Variants in ROBO3 observed in about 807,000 individuals in gnomAD.
ROBO3 encodes the protein roundabout guidance receptor 3.
A neutral mutation model predicts 160.5 loss-of-function variants in ROBO3; 97 were observed. That is an observed-to-expected ratio of 0.60 (90% confidence interval 0.51 to 0.72). ROBO3 has a LOEUF of 0.72. Among genes scored for constraint, ROBO3 ranks in the 30% least tolerant of loss-of-function variants. The probability of loss-of-function intolerance (pLI) is 0.00; values close to 1 mark genes in which losing one functional copy is unlikely to be tolerated. For synonymous variants in ROBO3, 780 were observed against 746.2 expected (o/e 1.05, Z -0.74); for missense variants, 1,858 against 1,846.5 (o/e 1.01, Z -0.11).
chr11:124,870,501 C>T lies in ROBO3; in HGVS notation c.906-100C>T, dbSNP rs79377276. On this transcript the variant is annotated intron_variant, in intron 5 of 27. Transcript: ENST00000397801. The stretch of plus-strand genomic sequence containing the variant: ...AACCAGCTTCTGTCCCTGCTGGGTC[C>T]TGCCTGTCTTTAAGTACCTTGACCC... 1,029 of 1,566,276 alleles carry T rather than the reference C, an allele frequency of 6.6e-4. 11 individuals carry two copies. In the African/African-American group the frequency reaches 0.012, roughly 19 times the overall value.
At chr11:124,870,546 G>T (rs1457775556) in intron 5 of ROBO3, 55 bp from the exon 6 acceptor site, 1 of 1,611,350 alleles carries the variant, frequency 6.2e-7, no homozygotes, top group South Asian at 1.1e-5. Context: ...TCCTGGGGGA[G>T]AGAGAAAGGG....
rs1946302100 is a variant in ROBO3 at position 124,873,149 on chromosome 11, C to T, written c.1536+60C>T. On this transcript the variant is annotated intron_variant, in intron 9 of 27. Transcript: ENST00000397801. The surrounding 1 kb of genome is among the most constrained non-coding windows in gnomAD (Gnocchi z 4.5). The stretch of plus-strand genomic sequence containing the variant: ...ATGGCTATCTGCTCCACGTTCCTTA[C>T]ACAAGTAAGTACTCACTGGGCCTGT... The T allele has an allele frequency of 2.6e-6, 4 of 1,543,510 alleles. No homozygotes were observed. The highest frequency in any genetic ancestry group is 3.6e-6 in the Non-Finnish European group (4 of 1,125,530).
intron 27 of ROBO3, 30 bp downstream of exon 27, chr11:124,880,638 G>T: frequency 6.6e-7 from 1 of 1,505,616 alleles, no homozygotes; most frequent in East Asian, 2.5e-5. Flanking sequence ...GAAAAATGAG[G>T]GCAGAGGACT....
At chr11:124,870,539 T>C (rs1247930569) in intron 5 of ROBO3, 62 bp from the exon 6 acceptor site, 1 of 1,609,338 alleles carries the variant, frequency 6.2e-7, no homozygotes, top group Non-Finnish European at 8.5e-7. Flanking sequence ...GTGTCTGTCC[T>C]GGGGGAGAGA....
intron 26 of ROBO3, among the ~76,000 whole-genome samples, 161 bp downstream of exon 26, chr11:124,880,109 C>T (rs928554188): frequency 6.6e-6 from 1 of 152,222 alleles, no homozygotes; most frequent in Admixed American, 6.5e-5. Flanking sequence ...GAGCACAATC[C>T]CCTGAAGTCC....
rs1192544325 is a variant in ROBO3, at chr11:124,876,743, G to A, written c.2779+283G>A. 6.1e-6 allele frequency: 2 copies of A among 327,074 alleles called. No individual in the cohort carries two copies. The highest frequency in any genetic ancestry group is 2.2e-5 in the African/African-American group (1 of 45,346). 20.3% of individuals were successfully genotyped at this position (327,074 alleles called of 1,614,324 possible). On this transcript the variant is annotated intron_variant, in intron 17 of 27. Coordinates refer to ENST00000397801, the MANE Select transcript of ROBO3 (RefSeq NM_022370.4). This position sits in a 1 kb window ranked among gnomAD's most constrained non-coding sequence, Gnocchi z 5.3. ...AACCATCTCCATAAAGAAGGGGCAA[G>A]TTCGAGGACGGAAAGCCCACTCAAA...
At chr11:124,870,861 G>A in intron 6 of ROBO3, 133 bp downstream of exon 6, 1 of 1,514,442 alleles carries the variant, frequency 6.6e-7, no homozygotes, top group East Asian at 2.3e-5. Context: ...TGCAAGGAGT[G>A]GGAGGAGGAG....
chr11:124,880,530 C>G lies in ROBO3; in HGVS notation c.4071C>G (p.Gly1357=). The change falls in exon 27 of 28, where the codon GGC becomes GGG. Residue 1357 remains glycine, a synonymous_variant. Transcript: ENST00000397801. ...CCAGGGGCTCCAGCAGCTCTAGGGG[C>G]TCCCGGGGCCCTGGCCGGAGCCGGA... The part of the protein sequence containing the change: ...NSSRGSSSSR[G]SRGPGRSRSR... The G allele has an allele frequency of 6.4e-7, 1 of 1,568,756 alleles. No individual in the cohort carries two copies. The highest frequency in any genetic ancestry group is 8.6e-7 in the Non-Finnish European group (1 of 1,157,132).
chr11:124,870,835 G>T (rs758938927), intron 6 of ROBO3, 107 bp downstream of exon 6: 39 of 1,535,622 alleles, frequency 2.5e-5, no homozygotes, highest in Admixed American at 3.8e-5. Flanking sequence ...CATGTGGATG[G>T]AACACCTGAG....
chr11:124,874,096 C>G lies in ROBO3; in HGVS notation c.1811C>G (p.Thr604Ser), dbSNP rs1946315470. 6.2e-7 allele frequency: 1 copy of G among 1,613,950 alleles called. No individual in the cohort carries two copies. The highest frequency in any genetic ancestry group is 2.2e-5 in the East Asian group (1 of 44,876). The stretch of plus-strand genomic sequence containing the variant: ...CCAGCAGCTGGCAACACATGGCGTA[C>G]TGTGGCAGATGGCGTGCAGCTGGAG... ...FSPAAGNTWR[T>S]VADGVQLETH... The change falls in exon 12 of 28, where the codon ACT becomes AGT. Residue 604 changes from threonine to serine, a missense_variant. Physicochemically the swap from Thr to Ser is moderately conservative, Grantham distance 58 (BLOSUM62 1). Transcript: ENST00000397801.
chr11:124,872,885 C>A lies in ROBO3; in HGVS notation c.1332C>A (p.Ala444=). 2 of 1,599,402 alleles carry A rather than the reference C, an allele frequency of 1.3e-6. No individual in the cohort carries two copies. The highest frequency in any genetic ancestry group is 1.7e-6 in the Non-Finnish European group (2 of 1,173,328). ...GTGCACACGTTCTTCCTCTCTCAGC[C>A]TCTTTGGATGGGCTGCCTCCTGTCA... ...LAKALLEIKG[A]SLDGLPPVIL... The change falls in exon 9 of 28, where the codon GCC becomes GCA. Residue 444 remains alanine, a splice_region_variant and synonymous_variant. Transcript: ENST00000397801. The surrounding 1 kb of genome is among the most constrained non-coding windows in gnomAD (Gnocchi z 4.3).
chr11:124,881,314 C>T lies in ROBO3; in HGVS notation c.*64C>T. The T allele has an allele frequency of 1.3e-6, 2 of 1,523,670 alleles. No individual in the cohort carries two copies. The highest frequency in any genetic ancestry group is 1.8e-6 in the Non-Finnish European group (2 of 1,115,774). The allele number at this position is 1,523,670 out of a possible 1,614,324, so 94.4% of individuals were successfully genotyped here. On this transcript the variant is annotated 3_prime_UTR_variant, in exon 28 of 28. Transcript: ENST00000397801. Reference sequence around the variant, plus strand: ...GGAAGGGGAGTAGGGATGTCTTTTCCCCCCCAGCAGTGATGAGTGGGGCTA... The same window carrying T: ...GGAAGGGGAGTAGGGATGTCTTTTCTCCCCCAGCAGTGATGAGTGGGGCTA...
intron 12 of ROBO3, 74 bp from the exon 13 acceptor site, chr11:124,874,714 A>G (rs1946327209): frequency 2.0e-6 from 3 of 1,501,116 alleles, no homozygotes; most frequent in Admixed American, 2.0e-5. Context: ...GGGCAGAGGT[A>G]GGACACGAGC....
rs1466322022 is a variant in ROBO3 at position 124,879,840 on chromosome 11, G to A, written c.3850G>A (p.Glu1284Lys). 1 of 1,613,744 alleles carries A rather than the reference G, an allele frequency of 6.2e-7. No individual in the cohort carries two copies. Among genetic ancestry groups the A allele is most frequent in the African/African-American group, 1.3e-5 (1 of 74,920 alleles). Residue 1284 changes from glutamate to lysine, a missense_variant, in exon 26 of 28, where the codon GAG becomes AAG. Coordinates refer to ENST00000397801, the MANE Select transcript of ROBO3 (RefSeq NM_022370.4). ...AGAGGAAGAGGCGAGCTGGGCCCTA[G>A]AGCTGAGGGCAGCAGGCAGCATGTC... ...PPEEEASWAL[E>K]LRAAGSMSSL...
Position 124,869,867 on chromosome 11 carries a change from A to T in ROBO3, c.646-81A>T. The T allele has an allele frequency of 1.3e-6, 2 of 1,491,018 alleles. No individual in the cohort carries two copies. The highest frequency in any genetic ancestry group is 2.4e-5 in the South Asian group (2 of 82,554). 92.4% of individuals were successfully genotyped at this position (1,491,018 alleles called of 1,614,324 possible). Reference sequence around the variant, plus strand: ...TGAGGATCAAATAAACTTTATACATATGTATATACACATATATTCACCATA... The same window carrying T: ...TGAGGATCAAATAAACTTTATACATTTGTATATACACATATATTCACCATA... On this transcript the variant is annotated intron_variant, in intron 3 of 27. Transcript: ENST00000397801. This position sits in a 1 kb window ranked among gnomAD's most constrained non-coding sequence, Gnocchi z 4.2.
chr11:124,876,289 C>A lies in ROBO3; in HGVS notation c.2608C>A (p.Leu870Met). 6.8e-7 allele frequency: 1 copy of A among 1,463,668 alleles called. No individual in the cohort carries two copies. The highest frequency in any genetic ancestry group is 2.5e-5 in the East Asian group (1 of 39,738). 90.7% of individuals were successfully genotyped at this position (1,463,668 alleles called of 1,614,324 possible). The change falls in exon 17 of 28, where the codon CTG becomes ATG. Residue 870 changes from leucine to methionine, a missense_variant. Leu to Met is a conservative substitution (Grantham distance 15). Coordinates refer to ENST00000397801, the MANE Select transcript of ROBO3 (RefSeq NM_022370.4). The surrounding 1 kb of genome is among the most constrained non-coding windows in gnomAD (Gnocchi z 5.3). Reference protein sequence around the residue: ...VLVQLPSPPDLEPGLEVGAGL... With the variant: ...VLVQLPSPPDMEPGLEVGAGL... ...GACCCCCACAGCGTCCCCGCCGGAC[C>A]TGGAGCCCGGGCTGGAGGTGGGCGC...
Position 124,872,856 on chromosome 11 carries a change from T to C in ROBO3, c.1331-28T>C, listed in dbSNP as rs1252215648. On this transcript the variant is annotated intron_variant, in intron 8 of 27. Coordinates refer to ENST00000397801, the MANE Select transcript of ROBO3 (RefSeq NM_022370.4). This position sits in a 1 kb window ranked among gnomAD's most constrained non-coding sequence, Gnocchi z 4.3. Reference sequence around the variant, plus strand: ...CCCGCGGGGCCCTAAGCTCCTCCCCTGAGGTGCACACGTTCTTCCTCTCTC... The same window carrying C: ...CCCGCGGGGCCCTAAGCTCCTCCCCCGAGGTGCACACGTTCTTCCTCTCTC... 1.9e-6 allele frequency: 3 copies of C among 1,544,468 alleles called. No homozygotes were observed. Among genetic ancestry groups the C allele is most frequent in the Non-Finnish European group, 1.8e-6 (2 of 1,142,200 alleles).
intron 26 of ROBO3, 75 bp from the exon 27 acceptor site, chr11:124,880,343 C>G (rs2135350002): frequency 6.4e-7 from 1 of 1,570,048 alleles, no homozygotes; most frequent in Non-Finnish European, 8.6e-7. Context: ...AGCCTGTGGT[C>G]AGGGTGGCAG....
chr11:124,879,653 GC>G (rs1946511414), intron 25 of ROBO3, 78 bp downstream of exon 25: 2 of 1,523,498 alleles, frequency 1.3e-6, no homozygotes, highest in South Asian at 1.2e-5. Context: ...CACTCTGGGG[GC>G]TGGAGGAGGG....
Sources: gnomAD v4.1 joint callset for allele counts (sites outside exome capture counted in the v4.1 genomes callset) on GRCh38, gnomAD v4.1.1 for gene constraint, Gnocchi (gnomAD v3.1) non-coding constraint, MANE v1.5 for transcripts, NCBI Gene and HGNC (gene_info 2026-07-23, HGNC 2026-07-21) for gene names.